Variants in ACACA observed in about 807,000 individuals in gnomAD.
The protein encoded by ACACA is acetyl-CoA carboxylase alpha.
In ACACA, 103 loss-of-function variants were observed where a neutral mutation model predicts 296.1. The ratio of observed to expected loss-of-function variants is 0.35; its 90% CI spans 0.30 to 0.41. The LOEUF is 0.41. ACACA is among the 10% of genes least tolerant of loss of function. The pLI, the probability that ACACA is intolerant of heterozygous loss-of-function variation, is 1.00. For missense variants in ACACA, 1,554 were observed against 2,989.7 expected, an observed-to-expected ratio of 0.52 and a Z score of 11.20; for synonymous variants, 953 against 1,038.6, an observed-to-expected ratio of 0.92 and a Z score of 1.58.
At chr17:37,322,835 A>C (rs932337191) in intron 3 of ACACA, among the ~76,000 whole-genome samples, 1 of 152,096 alleles carries the variant, frequency 6.6e-6, no homozygotes. Context: ...CCTGGGGAAG[A>C]CCACCTCCCT....
At chr17:37,299,149 TAA>T in intron 3 of ACACA, 1 of 953,396 alleles carries the variant, frequency 1.0e-6, no homozygotes, top group Non-Finnish European at 1.6e-6. Context: ...TTCATTTTCT[TAA>T]AAAAAATAGC....
chr17:37,297,137 T>C (rs1348698214), intron 3 of ACACA, among the ~76,000 whole-genome samples: 4 of 152,056 alleles, frequency 2.6e-5, no homozygotes, highest in Non-Finnish European at 5.9e-5. Flanking sequence ...ATAAAAACTA[T>C]GTTATATATA....
chr17:37,115,241 T>C (rs1486384227), intron 50 of ACACA, among the ~76,000 whole-genome samples: 2 of 152,264 alleles, frequency 1.3e-5, no homozygotes, highest in African/African-American at 2.4e-5. Flanking sequence ...TGCTTTACGC[T>C]AATTCTGTAG....
intron 1 of ACACA, among the ~76,000 whole-genome samples, chr17:37,404,601 G>A: frequency 7.9e-6 from 1 of 126,490 alleles, no homozygotes; most frequent in African/African-American, 3.1e-5. Flanking sequence ...TTGAGATGCA[G>A]TTTCACTCTG....
chr17:37,106,986 A>G (rs559412882), intron 52 of ACACA, among the ~76,000 whole-genome samples: 1 of 152,316 alleles, frequency 6.6e-6, no homozygotes, highest in Non-Finnish European at 1.5e-5. Context: ...ACCGAGCCAA[A>G]TAGCTTCTGA....
chr17:37,170,727 A>G (rs2076853025), intron 41 of ACACA, among the ~76,000 whole-genome samples: 1 of 152,242 alleles, frequency 6.6e-6, no homozygotes, highest in African/African-American at 2.4e-5. Context: ...CATAAATGCC[A>G]TTAGTCTGAC....
chr17:37,124,332 G>T (rs968699176), intron 48 of ACACA, among the ~76,000 whole-genome samples: 1 of 152,198 alleles, frequency 6.6e-6, no homozygotes, highest in Non-Finnish European at 1.5e-5. Flanking sequence ...ACTGATCTTG[G>T]TCGCAAAGCA....
intron 39 of ACACA, among the ~76,000 whole-genome samples, chr17:37,181,599 TGAAATCAACAA>T (rs1174546707): frequency 6.6e-6 from 1 of 151,894 alleles, no homozygotes; most frequent in Non-Finnish European, 1.5e-5. Context: ...TTAGATTAGT[TGAAATCAACAA>T]GAAAGAAGGC....
intron 14 of ACACA, 23 bp from the exon 15 acceptor site, chr17:37,253,059 G>A (rs1369413810): frequency 6.8e-6 from 11 of 1,614,182 alleles, no homozygotes; most frequent in Non-Finnish European, 9.3e-6. Context: ...AAGCCAATCT[G>A]TTTCAGCAAC....
chr17:37,191,860 A>AT (rs531631691), intron 37 of ACACA, among the ~76,000 whole-genome samples: 2 of 144,486 alleles, frequency 1.4e-5, no homozygotes, highest in East Asian at 2.0e-4. Flanking sequence ...TTCATTTTTT[A>AT]TTTTTTTTCA....
intron 44 of ACACA, 43 bp downstream of exon 44, chr17:37,151,258 C>T (rs986935062): frequency 6.8e-6 from 11 of 1,612,698 alleles, no homozygotes; most frequent in African/African-American, 1.3e-5. Flanking sequence ...AACCTAGCCA[C>T]ACAGCCAGTT....
At chr17:37,394,573 A>T (rs1307681773) in intron 1 of ACACA, among the ~76,000 whole-genome samples, 1 of 151,286 alleles carries the variant, frequency 6.6e-6, no homozygotes, top group Non-Finnish European at 1.5e-5. Flanking sequence ...CTTTGTTTTT[A>T]TAATTATTAA....
At chr17:37,168,783 ATG>A (rs1226839801) in intron 41 of ACACA, among the ~76,000 whole-genome samples, 3 of 152,198 alleles carry the variant, frequency 2.0e-5, no homozygotes, top group Non-Finnish European at 4.4e-5. Flanking sequence ...GTGTAAACAT[ATG>A]TATATATAGG....
At chr17:37,317,203 C>A (rs1050251445) in intron 3 of ACACA, among the ~76,000 whole-genome samples, 1 of 151,888 alleles carries the variant, frequency 6.6e-6, no homozygotes, top group Non-Finnish European at 1.5e-5. Flanking sequence ...GACATTTATC[C>A]TTAAGTGGTA....
intron 29 of ACACA, among the ~76,000 whole-genome samples, chr17:37,219,421 A>G (rs1448138812): frequency 6.6e-6 from 1 of 152,052 alleles, no homozygotes; most frequent in Non-Finnish European, 1.5e-5. Context: ...CAAACTGAGA[A>G]AATTGAGGGG....
intron 3 of ACACA, among the ~76,000 whole-genome samples, chr17:37,298,041 T>A (rs2083440926): frequency 6.6e-6 from 1 of 152,134 alleles, no homozygotes; most frequent in Non-Finnish European, 1.5e-5. Context: ...CCCTGCAACC[T>A]CAAACTGCTG....
intron 25 of ACACA, among the ~76,000 whole-genome samples, chr17:37,233,979 T>C (rs2145839192): frequency 6.6e-6 from 1 of 152,352 alleles, no homozygotes; most frequent in African/African-American, 2.4e-5. Context: ...CAGCTAGGCA[T>C]ATAACTGAAT....
At chr17:37,117,528 T>C (rs919597938) in intron 50 of ACACA, among the ~76,000 whole-genome samples, 1 of 152,244 alleles carries the variant, frequency 6.6e-6, no homozygotes, top group Non-Finnish European at 1.5e-5. Flanking sequence ...GCTGGGACCC[T>C]GGTGCTAATT....
chr17:37,136,412 T>C (rs1394210188), intron 45 of ACACA, among the ~76,000 whole-genome samples: 1 of 152,204 alleles, frequency 6.6e-6, no homozygotes, highest in Admixed American at 6.5e-5. Flanking sequence ...TGAGTAATAT[T>C]CCATTTTATG....
Sources: gnomAD v4.1 joint callset for allele counts (sites outside exome capture counted in the v4.1 genomes callset) on GRCh38, gnomAD v4.1.1 for gene constraint, MANE v1.5 for transcripts, NCBI Gene and HGNC (gene_info 2026-07-23, HGNC 2026-07-21) for gene names.